Variants in NAT16 observed in about 807,000 individuals in gnomAD.
NAT16 encodes the protein probable N-acetyltransferase 16.
NAT16 carries 16 observed loss-of-function variants against 15.9 expected under a neutral mutation model. The ratio of observed to expected loss-of-function variants is 1.01; its 90% confidence interval spans 0.68 to 1.53. The LOEUF (loss-of-function observed/expected upper bound fraction) is 1.53, where lower values mean the gene tolerates loss of function less well. NAT16 is among the 40% of genes most tolerant of loss of function. The pLI, the probability that NAT16 is intolerant of heterozygous loss-of-function variation, is 0.00. For synonymous variants in NAT16, 260 were observed against 241.9 expected, an observed-to-expected ratio of 1.07 and a Z score of -0.69; for missense variants, 572 against 508.4, an observed-to-expected ratio of 1.13 and a Z score of -1.20.
intron 3 of NAT16, among the ~76,000 whole-genome samples, chr7:101,173,067 C>T (rs1224026061): frequency 6.6e-6 from 1 of 152,040 alleles, no homozygotes; most frequent in Non-Finnish European, 1.5e-5. Context: ...GGCAGGGTCC[C>T]CGAAGTTGGG....
chr7:101,173,644 A>G (rs774425766), intron 2 of NAT16, 124 bp from the exon 3 acceptor site: 24 of 847,872 alleles, frequency 2.8e-5, no homozygotes, highest in Non-Finnish European at 3.9e-5. Flanking sequence ...GCACCAGGCC[A>G]GGCCTGGGGT....
intron 2 of NAT16, 139 bp from the exon 3 acceptor site, chr7:101,173,659 C>T (rs969339285): frequency 6.0e-6 from 4 of 661,282 alleles, no homozygotes; most frequent in African/African-American, 3.8e-5. Flanking sequence ...TGGGGTAGCA[C>T]GGCACTTGGG....
chr7:101,178,889 C>CAAAA (rs71126381), intron 1 of NAT16, among the ~76,000 whole-genome samples: 32 of 62,086 alleles, frequency 5.2e-4, no homozygotes, highest in East Asian at 3.5e-3. Flanking sequence ...GAAACGCTGT[C>CAAAA]AAAAAAAAAA....
rs1348125127 is a variant in NAT16 at position 101,172,093 on chromosome 7, C to T, written c.1096G>A (p.Glu366Lys). 6.2e-7 allele frequency: 1 copy of T among 1,611,254 alleles called. No homozygotes were observed. The highest frequency in any genetic ancestry group is 1.1e-5 in the South Asian group (1 of 90,866). ...GAGGAGAGGCCTCAGATGTCGGCCT[C>T]CAGCAGGTACTGTTCAGTATAACCC... ...VKGYTEQYLLEADI is the reference protein window; with the variant it reads ...VKGYTEQYLLKADI Residue 366 changes from glutamate to lysine, a missense_variant, in exon 4 of 4, where the codon GAG becomes AAG. Coordinates refer to ENST00000300303, the MANE Select transcript of NAT16 (RefSeq NM_198571.3). This position sits in a 1 kb window ranked among gnomAD's most constrained non-coding sequence, Gnocchi z 4.2.
At chr7:101,177,320 T>C (rs979516548) in intron 1 of NAT16, among the ~76,000 whole-genome samples, 3 of 152,116 alleles carry the variant, frequency 2.0e-5, no homozygotes, top group Non-Finnish European at 2.9e-5. Flanking sequence ...CCTCTTATTA[T>C]TATTGTTGTT....
chr7:101,172,044 G>A lies in NAT16; in HGVS notation c.*35C>T, dbSNP rs759341919. The A allele has an allele frequency of 7.6e-6, 11 of 1,442,326 alleles. No homozygotes were observed. Among genetic ancestry groups the A allele is most frequent in the African/African-American group, 2.8e-5 (2 of 70,462 alleles). 89.3% of individuals were successfully genotyped at this position (1,442,326 alleles called of 1,614,324 possible). A position where few individuals can be genotyped will look rare whatever the true frequency, so the allele number is the denominator to read the frequency against. Reference sequence around the variant, plus strand: ...GGCTGGGGAAACTGCGGAAGGGGGCGGGTCTTTTTCCCCCTCCCCGCCAGA... The same window carrying A: ...GGCTGGGGAAACTGCGGAAGGGGGCAGGTCTTTTTCCCCCTCCCCGCCAGA... On this transcript the variant is annotated 3_prime_UTR_variant, in exon 4 of 4. Coordinates refer to ENST00000300303, the MANE Select transcript of NAT16 (RefSeq NM_198571.3). This position sits in a 1 kb window ranked among gnomAD's most constrained non-coding sequence, Gnocchi z 4.2.
rs376373196 is a variant in NAT16, at chr7:101,173,757, C to G, written c.313-237G>C. On this transcript the variant is annotated intron_variant, in intron 2 of 3. Coordinates refer to ENST00000300303, the MANE Select transcript of NAT16 (RefSeq NM_198571.3). Reference sequence around the variant, plus strand: ...ATTTATTTTAAATTTAGGACAGGGTCTCCTCACCCAGGCTGGAGCGCAGTG... The same window carrying G: ...ATTTATTTTAAATTTAGGACAGGGTGTCCTCACCCAGGCTGGAGCGCAGTG... 5.5e-4 allele frequency: 292 copies of G among 529,758 alleles called. 3 individuals carry two copies. The South Asian group carries it at 6.9e-3, about 12-fold the overall frequency. The allele number at this position is 529,758 out of a possible 1,614,324, so 32.8% of individuals were successfully genotyped here.
intron 1 of NAT16, among the ~76,000 whole-genome samples, 156 bp from the exon 2 acceptor site, chr7:101,174,967 T>C (rs765296523): frequency 3.4e-4 from 51 of 152,222 alleles, no homozygotes; most frequent in Non-Finnish European, 6.5e-4. Flanking sequence ...TATTTATTTA[T>C]TTTTTGAGAC....
At position 101,172,064 on chromosome 7, in the gene NAT16, G is replaced by A; in HGVS notation, c.*15C>T. The A allele has an allele frequency of 1.3e-6, 2 of 1,573,448 alleles. No individual in the cohort carries two copies. Among genetic ancestry groups the A allele is most frequent in the Non-Finnish European group, 1.7e-6 (2 of 1,151,036 alleles). ...GGGGCGGGTCTTTTTCCCCCTCCCC[G>A]CCAGAGGAGAGGCCTCAGATGTCGG... is the stretch of plus-strand genomic sequence containing the variant. On this transcript the variant is annotated 3_prime_UTR_variant, in exon 4 of 4. Transcript: ENST00000300303. The surrounding 1 kb of genome is among the most constrained non-coding windows in gnomAD (Gnocchi z 4.2).
chr7:101,174,353 C>T, intron 2 of NAT16, 143 bp downstream of exon 2: 1 of 1,149,244 alleles, frequency 8.7e-7, no homozygotes, highest in Non-Finnish European at 1.2e-6. Context: ...ACTGCACGCC[C>T]TGCACTTTGG....
At chr7:101,176,075 C>T (rs2116731500) in intron 1 of NAT16, among the ~76,000 whole-genome samples, 1 of 152,324 alleles carries the variant, frequency 6.6e-6, no homozygotes, top group African/African-American at 2.4e-5. Context: ...CACCCCATTT[C>T]CTGCCACTAC....
In NAT16 at chr7:101,172,238, C is replaced by T; in HGVS notation, c.951G>A (p.Leu317=). ...AQVQSQLLWH[L]QRQAPRLVGL... is the part of the protein sequence containing the mutation. ...CAACGAGGCGCGGGGCCTGGCGCTG[C>T]AGGTGCCACAGCAGCTGGCTCTGCA... Residue 317 remains leucine (L), a synonymous_variant, in exon 4 of 4, where the codon CTG becomes CTA. Transcript: ENST00000300303. This position sits in a 1 kb window ranked among gnomAD's most constrained non-coding sequence, Gnocchi z 4.2. 1 of 1,613,328 alleles carries T rather than the reference C, an allele frequency of 6.2e-7. No individual in the cohort carries two copies. The highest frequency in any genetic ancestry group is 8.5e-7 in the Non-Finnish European group (1 of 1,179,826).
At position 101,172,748 on chromosome 7, in the gene NAT16, C is replaced by A; in HGVS notation, c.538-97G>T. 2.0e-6 allele frequency: 2 copies of A among 992,426 alleles called. No homozygotes were observed. Among genetic ancestry groups the A allele is most frequent in the South Asian group, 1.8e-5 (1 of 55,728 alleles). The allele number at this position is 992,426 out of a possible 1,614,324, so 61.5% of individuals were successfully genotyped here. A position where few individuals can be genotyped will look rare whatever the true frequency, so the allele number is the denominator to read the frequency against. ...GCATCTTCACTCCCACGTTCACGCCCACGGGCTCCCACCTGGGTCCCTCTG... is the reference window on the plus strand; with the variant it reads ...GCATCTTCACTCCCACGTTCACGCCAACGGGCTCCCACCTGGGTCCCTCTG... On this transcript the variant is annotated intron_variant, in intron 3 of 3. Coordinates refer to ENST00000300303, the MANE Select transcript of NAT16 (RefSeq NM_198571.3). This position sits in a 1 kb window ranked among gnomAD's most constrained non-coding sequence, Gnocchi z 4.2.
chr7:101,178,710 T>TAAAAAA (rs386410830), intron 1 of NAT16, among the ~76,000 whole-genome samples: 5 of 72,794 alleles, frequency 6.9e-5, no homozygotes, highest in East Asian at 4.0e-4. Context: ...CTCTCTCTAC[T>TAAAAAA]AAAAAAAAAA....
At chr7:101,174,883 CG>C (rs1797432961) in intron 1 of NAT16, 72 bp from the exon 2 acceptor site, 2 of 1,490,608 alleles carry the variant, frequency 1.3e-6, no homozygotes, top group African/African-American at 2.8e-5. Context: ...TGCACACAAA[CG>C]GTCCTAATGC....
Position 101,173,289 on chromosome 7 carries a change from T to A in NAT16, c.537+7A>T, listed in dbSNP as rs376500492. On this transcript the variant is annotated splice_region_variant and intron_variant, in intron 3 of 3. Transcript: ENST00000300303. ...GCCCAGCCATCCGAGCTCCCTGTCCTTCTCACCTGCTTGGTGATTAGGCGG... is the reference window on the plus strand; with the variant it reads ...GCCCAGCCATCCGAGCTCCCTGTCCATCTCACCTGCTTGGTGATTAGGCGG... 10 of 1,612,994 alleles carry A rather than the reference T, an allele frequency of 6.2e-6. No homozygotes were observed. Among genetic ancestry groups the A allele is most frequent in the Non-Finnish European group, 8.5e-6 (10 of 1,179,376 alleles).
chr7:101,177,053 A>G (rs1797483998), intron 1 of NAT16, among the ~76,000 whole-genome samples: 1 of 152,168 alleles, frequency 6.6e-6, no homozygotes, highest in Admixed American at 6.5e-5. Flanking sequence ...CAAGAGTTCT[A>G]TCTCCCTCTT....
intron 1 of NAT16, among the ~76,000 whole-genome samples, chr7:101,176,248 T>C (rs10236771): frequency 0.94 from 143,284 of 152,290 alleles, 67,475 homozygotes; most frequent in African/African-American, 0.98. Flanking sequence ...CAGCCTAGCA[T>C]GGCGGCTCAG....
intron 1 of NAT16, among the ~76,000 whole-genome samples, chr7:101,177,714 C>T (rs6970950): frequency 0.14 from 22,029 of 152,168 alleles, 1,736 homozygotes; most frequent in South Asian, 0.18. Context: ...AGGGGAACTA[C>T]TGGGTCCTTG....
Sources: allele counts gnomAD v4.1 joint callset (sites outside exome capture counted in the v4.1 genomes callset), GRCh38; gene constraint gnomAD v4.1.1; non-coding constraint Gnocchi (gnomAD v3.1); transcripts MANE v1.5; gene names NCBI Gene and HGNC (gene_info 2026-07-23, HGNC 2026-07-21).